GPM6A: variants seen among roughly 807,000 people sequenced by gnomAD.
The protein encoded by GPM6A is neuronal membrane glycoprotein M6-a.
A neutral mutation model predicts 32.1 loss-of-function variants in GPM6A; 7 were observed. The observed-to-expected ratio is 0.22, with a 90% confidence interval of 0.12 to 0.41. The LOEUF (loss-of-function observed/expected upper bound fraction) is 0.41. Ranked by LOEUF, GPM6A falls within the 10% of genes least tolerant of loss-of-function variation. GPM6A has a pLI of 1.00. For missense variants in GPM6A, 235 were observed against 347.2 expected (o/e 0.68, Z 2.57); for synonymous variants, 130 against 123.4 (o/e 1.05, Z -0.35).
At chr4:175,925,326 G>A (rs1047447699) in intron 1 of GPM6A, among the ~76,000 whole-genome samples, 2 of 152,112 alleles carry the variant, frequency 1.3e-5, no homozygotes, top group African/African-American at 4.8e-5. Flanking sequence ...AAGTTTTCTT[G>A]TGAACATACG....
At chr4:175,999,939 A>C (rs1375510885) in intron 1 of GPM6A, among the ~76,000 whole-genome samples, 2 of 152,158 alleles carry the variant, frequency 1.3e-5, no homozygotes, top group Non-Finnish European at 2.9e-5. Context: ...AAGAAAGAGG[A>C]GAGATATGGC....
intron 1 of GPM6A, among the ~76,000 whole-genome samples, chr4:175,937,260 T>C (rs1730937593): frequency 6.6e-6 from 1 of 152,160 alleles, no homozygotes; most frequent in African/African-American, 2.4e-5. Flanking sequence ...ATTGTAGCAT[T>C]CTTTGTAAAT....
At chr4:175,718,499 T>G (rs900753640) in intron 1 of GPM6A, among the ~76,000 whole-genome samples, 7 of 151,910 alleles carry the variant, frequency 4.6e-5, no homozygotes, top group Admixed American at 3.9e-4. Context: ...ACCTGTAGTC[T>G]CAGCTACTTG....
chr4:175,704,277 GT>G (rs1229859716), intron 1 of GPM6A, among the ~76,000 whole-genome samples: 3 of 151,858 alleles, frequency 2.0e-5, no homozygotes, highest in African/African-American at 7.3e-5. Context: ...AGGCAAAATT[GT>G]TTCTTGAACA....
chr4:175,846,954 A>G (rs1736107215), intron 1 of GPM6A, among the ~76,000 whole-genome samples: 1 of 152,180 alleles, frequency 6.6e-6, no homozygotes, highest in Admixed American at 6.6e-5. Flanking sequence ...AAAACAAATA[A>G]GAATTTTGGA....
chr4:175,867,362 T>C (rs73871236), intron 1 of GPM6A, among the ~76,000 whole-genome samples: 27 of 152,290 alleles, frequency 1.8e-4, no homozygotes, highest in African/African-American at 5.5e-4. Flanking sequence ...TCTCATGTTA[T>C]TTTCCAGGAT....
At chr4:175,637,871 A>G (rs1208168097) in intron 6 of GPM6A, among the ~76,000 whole-genome samples, 27 of 122,032 alleles carry the variant, frequency 2.2e-4, no homozygotes, top group African/African-American at 3.4e-4. Context: ...CTATTTATAT[A>G]TAATATTTAT....
At chr4:175,688,797 C>T (rs1744133827) in intron 2 of GPM6A, among the ~76,000 whole-genome samples, 1 of 152,142 alleles carries the variant, frequency 6.6e-6, no homozygotes, top group African/African-American at 2.4e-5. Context: ...TAAATACATA[C>T]ATACATATAT....
At chr4:175,892,377 C>T (rs1334943975) in intron 1 of GPM6A, among the ~76,000 whole-genome samples, 1 of 152,142 alleles carries the variant, frequency 6.6e-6, no homozygotes, top group Admixed American at 6.6e-5. Context: ...TTTGTGCTTT[C>T]TTCTCTCTCA....
At chr4:175,693,790 T>G (rs894188097) in intron 2 of GPM6A, among the ~76,000 whole-genome samples, 1 of 152,180 alleles carries the variant, frequency 6.6e-6, no homozygotes, top group Non-Finnish European at 1.5e-5. Context: ...ATGGTTTATA[T>G]CTGTGTCCCC....
intron 1 of GPM6A, among the ~76,000 whole-genome samples, chr4:175,738,158 G>A (rs1327978258): frequency 7.2e-5 from 11 of 152,142 alleles, no homozygotes; most frequent in African/African-American, 1.9e-4. Flanking sequence ...GGCTGGTCTC[G>A]AACTCCTGCC....
chr4:175,698,738 T>C (rs1211004624), intron 2 of GPM6A, among the ~76,000 whole-genome samples: 1 of 152,180 alleles, frequency 6.6e-6, no homozygotes, highest in Non-Finnish European at 1.5e-5. Context: ...AATTTTGACA[T>C]TTACTTTTAT....
intron 1 of GPM6A, among the ~76,000 whole-genome samples, chr4:175,977,393 A>G (rs1740694473): frequency 6.6e-6 from 1 of 152,158 alleles, no homozygotes; most frequent in Non-Finnish European, 1.5e-5. Flanking sequence ...CTTTTCTTTC[A>G]ATGTTTTGTC....
intron 1 of GPM6A, among the ~76,000 whole-genome samples, chr4:175,804,650 AT>A (rs940854180): frequency 7.9e-5 from 12 of 152,196 alleles, no homozygotes; most frequent in African/African-American, 2.7e-4. Flanking sequence ...TATTATTAAT[AT>A]TTTCCTTGAC....
chr4:175,637,706 T>C (rs1239912224), intron 6 of GPM6A, among the ~76,000 whole-genome samples: 2 of 61,488 alleles, frequency 3.3e-5, no homozygotes, highest in Non-Finnish European at 5.1e-5. Context: ...TATTATATAT[T>C]ATATATATTT....
At chr4:175,964,432 G>A (rs1247561550) in intron 1 of GPM6A, among the ~76,000 whole-genome samples, 1 of 152,150 alleles carries the variant, frequency 6.6e-6, no homozygotes, top group African/African-American at 2.4e-5. Context: ...GTACCACATT[G>A]ACTGGGTGGC....
chr4:175,771,573 AT>A (rs972463995), intron 1 of GPM6A, among the ~76,000 whole-genome samples: 1 of 150,448 alleles, frequency 6.6e-6, no homozygotes, highest in Non-Finnish European at 1.5e-5. Context: ...AAAAAAAAGA[AT>A]TTTCATAAAC....
chr4:175,706,494 T>A (rs1451865895), intron 1 of GPM6A, among the ~76,000 whole-genome samples: 1 of 152,154 alleles, frequency 6.6e-6, no homozygotes, highest in Admixed American at 6.5e-5. Flanking sequence ...GGTTGAGAAG[T>A]GAGATTTACA....
chr4:175,943,685 T>C (rs976001428), intron 1 of GPM6A, among the ~76,000 whole-genome samples: 1 of 152,208 alleles, frequency 6.6e-6, no homozygotes, highest in Non-Finnish European at 1.5e-5. Flanking sequence ...ATGATGTGTA[T>C]TGATTTGCAT....
Sources: gnomAD v4.1 joint callset for allele counts (sites outside exome capture counted in the v4.1 genomes callset) on GRCh38, gnomAD v4.1.1 for gene constraint, MANE v1.5 for transcripts, NCBI Gene and HGNC (gene_info 2026-07-23, HGNC 2026-07-21) for gene names.